The following PRICKLE1 variants were observed in gnomAD, a reference collection of about 807,000 sequenced individuals.
The protein encoded by PRICKLE1 is prickle-like protein 1.
Under a neutral mutation model 70.2 loss-of-function variants are expected in PRICKLE1, and 14 were observed. The ratio of observed to expected loss-of-function variants is 0.20; its 90% CI spans 0.13 to 0.31. The LOEUF is 0.31. Ranked by LOEUF, PRICKLE1 falls within the 10% of genes least tolerant of loss-of-function variation. The pLI, the probability that PRICKLE1 is intolerant of heterozygous loss-of-function variation, is 1.00. For missense variants in PRICKLE1, 821 were observed against 1,026.2 expected (o/e 0.80, Z 2.73); for synonymous variants, 357 against 379.9 (o/e 0.94, Z 0.70).
chr12:42,559,635 TTGGGG>T (rs111751308), intron 1 of PRICKLE1, among the ~76,000 whole-genome samples: 12,757 of 102,212 alleles, frequency 0.12, 772 homozygotes, highest in African/African-American at 0.21. Context: ...TTTTTTTTTT[TTGGGG>T]GGGGTAGAGA....
At chr12:42,463,582 T>C (rs1937949645) in intron 7 of PRICKLE1, 1 of 152,188 alleles carries the variant, frequency 6.6e-6, no homozygotes, top group Non-Finnish European at 1.5e-5. Flanking sequence ...TAGCCAGGTA[T>C]GGTGGTATGC....
At chr12:42,490,207 G>C in intron 1 of PRICKLE1, among the ~76,000 whole-genome samples, 1 of 152,210 alleles carries the variant, frequency 6.6e-6, no homozygotes, top group Non-Finnish European at 1.5e-5. Context: ...AAGAAGTCAA[G>C]ATTCAGGAAC....
intron 1 of PRICKLE1, among the ~76,000 whole-genome samples, chr12:42,492,074 G>A (rs535214665): frequency 5.2e-4 from 78 of 151,118 alleles, no homozygotes; most frequent in Middle Eastern, 6.8e-3. Context: ...GTGACCCACC[G>A]CGCCTGGCCT....
chr12:42,539,912 C>CT (rs141175993), intron 1 of PRICKLE1, among the ~76,000 whole-genome samples: 10,109 of 152,206 alleles, frequency 0.066, 428 homozygotes, highest in Middle Eastern at 0.11. Context: ...GGAACACTGC[C>CT]TTTAATTACA....
Position 42,506,860 on chromosome 12 carries a change from C to T in PRICKLE1, c.-48-34296G>A, listed in dbSNP as rs117703834. 3.6e-3 allele frequency among the ~76,000 whole-genome samples: 547 copies of T among 152,128 alleles called. 17 individuals are homozygous for T. The East Asian group carries it at 0.051, about 14-fold the overall frequency. Reference sequence around the variant, plus strand: ...TGTTGGGATTACAGGTGTGAGCCACCGCACCTGGCCATGTTCTTTTGGCAT... The same window carrying T: ...TGTTGGGATTACAGGTGTGAGCCACTGCACCTGGCCATGTTCTTTTGGCAT... On this transcript the variant is annotated intron_variant, in intron 1 of 7. Coordinates refer to ENST00000345127, the MANE Select transcript of PRICKLE1 (RefSeq NM_153026.3).
intron 2 of PRICKLE1, among the ~76,000 whole-genome samples, chr12:42,470,905 CA>C (rs201660544): frequency 0.035 from 3,932 of 113,306 alleles, 128 homozygotes; most frequent in East Asian, 0.11. Flanking sequence ...GAATCCGTCT[CA>C]AAAAAAAAAA....
At chr12:42,491,166 C>T (rs919293594) in intron 1 of PRICKLE1, among the ~76,000 whole-genome samples, 2 of 151,398 alleles carry the variant, frequency 1.3e-5, no homozygotes, top group African/African-American at 2.4e-5. Context: ...TGAGCCACTG[C>T]GCCAGGCTTC....
chr12:42,520,578 CCAAA>C (rs887749260), intron 1 of PRICKLE1, among the ~76,000 whole-genome samples: 21 of 152,296 alleles, frequency 1.4e-4, no homozygotes, highest in East Asian at 7.7e-4. Context: ...AAGCTCATTG[CCAAA>C]CAGTCTATTA....
chr12:42,584,086 AGAG>A (rs1940947925), intron 1 of PRICKLE1, among the ~76,000 whole-genome samples: 1 of 152,220 alleles, frequency 6.6e-6, no homozygotes, highest in Non-Finnish European at 1.5e-5. Context: ...TCAAGCCCAC[AGAG>A]GAGGCAGATT....
intron 1 of PRICKLE1, among the ~76,000 whole-genome samples, chr12:42,577,314 T>G (rs1344820450): frequency 6.6e-6 from 1 of 152,158 alleles, no homozygotes; most frequent in East Asian, 1.9e-4. Context: ...TTTTTTTAGC[T>G]GTCACATTGA....
chr12:42,508,277 C>A (rs115233514), intron 1 of PRICKLE1, among the ~76,000 whole-genome samples: 1 of 152,164 alleles, frequency 6.6e-6, no homozygotes, highest in Admixed American at 6.5e-5. Flanking sequence ...TTTATTATAT[C>A]GGCAATAACC....
At chr12:42,586,615 T>G (rs1298939169) in intron 1 of PRICKLE1, among the ~76,000 whole-genome samples, 1 of 152,224 alleles carries the variant, frequency 6.6e-6, no homozygotes, top group Non-Finnish European at 1.5e-5. Flanking sequence ...TAATCTTTAC[T>G]GAAAATTGTT....
chr12:42,471,920 G>A (rs779478184), intron 2 of PRICKLE1, among the ~76,000 whole-genome samples: 82 of 152,134 alleles, frequency 5.4e-4, no homozygotes, highest in African/African-American at 1.8e-3. Flanking sequence ...AAGGTCAAAC[G>A]TCTAAGCAGT....
chr12:42,512,219 G>A (rs889336712), intron 1 of PRICKLE1, among the ~76,000 whole-genome samples: 8 of 152,212 alleles, frequency 5.3e-5, no homozygotes, highest in Admixed American at 5.2e-4. Context: ...CACCCAGGAT[G>A]GAGTGCAGTG....
intron 1 of PRICKLE1, among the ~76,000 whole-genome samples, chr12:42,517,405 C>T (rs28689646): frequency 0.46 from 67,973 of 149,050 alleles, 15,903 homozygotes; most frequent in East Asian, 0.71. Flanking sequence ...CTCTGCCTCC[C>T]AGGTTCATGC....
chr12:42,467,221 A>G (rs955929511), intron 5 of PRICKLE1, among the ~76,000 whole-genome samples: 1 of 151,704 alleles, frequency 6.6e-6, no homozygotes, highest in African/African-American at 2.4e-5. Flanking sequence ...GGTTCAAGCA[A>G]TTCTCCTGCC....
intron 1 of PRICKLE1, among the ~76,000 whole-genome samples, chr12:42,556,991 GT>G (rs199967853): frequency 0.012 from 1,660 of 143,646 alleles, 24 homozygotes; most frequent in African/African-American, 0.038. Flanking sequence ...CAAAATTTCT[GT>G]TTTTTTTTTT....
At chr12:42,527,091 G>C (rs961070798) in intron 1 of PRICKLE1, among the ~76,000 whole-genome samples, 1 of 149,002 alleles carries the variant, frequency 6.7e-6, no homozygotes, top group African/African-American at 2.5e-5. Context: ...GTGGAAAAGG[G>C]TACAATTTAA....
rs1018154392 is a variant in PRICKLE1, at chr12:42,539,341, G to A, written c.-49+50124C>T. ...AAATTAGCCGGGCGTGGGGGTGGGC[G>A]CCTGTAGTCCCAGCTACTCGGGAGG... On this transcript the variant is annotated intron_variant, in intron 1 of 7. Transcript: ENST00000345127. 4.3e-4 allele frequency among the ~76,000 whole-genome samples: 66 copies of A among 151,956 alleles called. 2 individuals are homozygous for A. The highest frequency in any genetic ancestry group is 1.3e-3 in the African/African-American group (53 of 41,444).
Sources: allele counts gnomAD v4.1 joint callset (sites outside exome capture counted in the v4.1 genomes callset), GRCh38; gene constraint gnomAD v4.1.1; transcripts MANE v1.5; gene names NCBI Gene and HGNC (gene_info 2026-07-23, HGNC 2026-07-21).